TAF4B: variants seen among roughly 807,000 people sequenced by gnomAD.
The protein encoded by TAF4B is transcription initiation factor TFIID subunit 4B.
Under a neutral mutation model 86.4 loss-of-function variants are expected in TAF4B, and 38 were observed. The observed-to-expected ratio is 0.44, with a 90% CI of 0.34 to 0.58. The LOEUF (loss-of-function observed/expected upper bound fraction) is 0.58. TAF4B is among the 20% of genes least tolerant of loss of function. The pLI, the probability that TAF4B is intolerant of heterozygous loss-of-function variation, is 0.02. For synonymous variants in TAF4B, 388 were observed against 391.2 expected, an observed-to-expected ratio of 0.99 and a Z score of 0.10; for missense variants, 988 against 1,027.6, an observed-to-expected ratio of 0.96 and a Z score of 0.53.
intron 1 of TAF4B, among the ~76,000 whole-genome samples, chr18:26,257,256 G>A (rs1306543344): frequency 6.6e-6 from 1 of 152,136 alleles, no homozygotes; most frequent in African/African-American, 2.4e-5. Flanking sequence ...TAGGCTCTGT[G>A]TGTGAGGTAT....
At chr18:26,349,156 A>T (rs951193739) in intron 13 of TAF4B, among the ~76,000 whole-genome samples, 8 of 152,216 alleles carry the variant, frequency 5.3e-5, no homozygotes, top group Admixed American at 3.3e-4. Context: ...TTGTAACATG[A>T]TTATATTGCA....
chr18:26,272,851 G>A (rs2056338214), intron 3 of TAF4B, among the ~76,000 whole-genome samples: 1 of 151,804 alleles, frequency 6.6e-6, no homozygotes, highest in African/African-American at 2.4e-5. Context: ...CTAAAGATAT[G>A]AAAAGGAGGG....
intron 12 of TAF4B, among the ~76,000 whole-genome samples, chr18:26,327,843 C>T (rs1013511251): frequency 6.6e-6 from 1 of 152,218 alleles, no homozygotes; most frequent in Non-Finnish European, 1.5e-5. Flanking sequence ...GCCTTGGCCT[C>T]CCAAAGTTTT....
chr18:26,346,829 ATATATATGTG>A (rs2057194004), intron 13 of TAF4B, among the ~76,000 whole-genome samples: 4 of 25,444 alleles, frequency 1.6e-4, no homozygotes, highest in East Asian at 4.9e-3. Flanking sequence ...GTGTGTATAT[ATATATATGTG>A]TGTGTGTATA....
intron 1 of TAF4B, among the ~76,000 whole-genome samples, chr18:26,262,274 A>C (rs2144530654): frequency 6.7e-6 from 1 of 149,930 alleles, no homozygotes; most frequent in East Asian, 2.0e-4. Flanking sequence ...CCATAGCCTT[A>C]GATTGGGAGG....
intron 7 of TAF4B, among the ~76,000 whole-genome samples, chr18:26,288,785 T>C (rs565220390): frequency 6.6e-6 from 1 of 152,328 alleles, no homozygotes; most frequent in South Asian, 2.1e-4. Context: ...CTCATGATAA[T>C]ATCTTGACAG....
At chr18:26,233,323 G>A (rs1054376732) in intron 1 of TAF4B, among the ~76,000 whole-genome samples, 2 of 152,162 alleles carry the variant, frequency 1.3e-5, no homozygotes, top group Admixed American at 6.6e-5. Context: ...TGAAAGAAGG[G>A]AGGAGAAGGC....
chr18:26,231,987 T>C (rs2055678120), intron 1 of TAF4B, among the ~76,000 whole-genome samples: 1 of 152,188 alleles, frequency 6.6e-6, no homozygotes, highest in Admixed American at 6.5e-5. Context: ...AGGATCCTGC[T>C]GATTGGTGCA....
chr18:26,274,970 G>T lies in TAF4B; in HGVS notation c.799G>T (p.Ala267Ser), dbSNP rs774869384. Residue 267 changes from alanine (A) to serine (S), a missense_variant, in exon 5 of 15, where the codon GCA becomes TCA. Ala to Ser is a moderately conservative substitution (Grantham distance 99, BLOSUM62 1). Transcript: ENST00000269142. ...TGTGAAGAAATGCAAGAACTTCCTT[G>T]CAATGTTAATAAAACTAGCATGTAG... ...ENVKKCKNFLAMLIKLACSGS... is the reference protein window; with the variant it reads ...ENVKKCKNFLSMLIKLACSGS... 6.2e-7 allele frequency: 1 copy of T among 1,613,088 alleles called. No individual in the cohort carries two copies. Among genetic ancestry groups the T allele is most frequent in the East Asian group, 2.2e-5 (1 of 44,866 alleles).
At chr18:26,256,154 T>C in intron 1 of TAF4B, 1 of 1,610,344 alleles carries the variant, frequency 6.2e-7, no homozygotes, top group Non-Finnish European at 8.5e-7. Context: ...TTTTTGATCC[T>C]GCTGGCAACT....
chr18:26,302,859 T>C (rs866619330), intron 9 of TAF4B, among the ~76,000 whole-genome samples: 1 of 152,084 alleles, frequency 6.6e-6, no homozygotes, highest in Non-Finnish European at 1.5e-5. Context: ...CTCTTTTTTT[T>C]AATCTTTCTT....
intron 14 of TAF4B, among the ~76,000 whole-genome samples, chr18:26,388,703 C>T (rs1978525011): frequency 6.6e-6 from 1 of 152,150 alleles, no homozygotes; most frequent in South Asian, 2.1e-4. Flanking sequence ...TGTAAAGGAG[C>T]AATGGGAAGT....
chr18:26,351,627 G>C (rs530896535), intron 13 of TAF4B, among the ~76,000 whole-genome samples: 5 of 152,236 alleles, frequency 3.3e-5, no homozygotes, highest in African/African-American at 1.2e-4. Context: ...ACAATTATAT[G>C]TCAGACTTCA....
chr18:26,257,266 T>C (rs2056098243), intron 1 of TAF4B, among the ~76,000 whole-genome samples: 1 of 152,224 alleles, frequency 6.6e-6, no homozygotes, highest in African/African-American at 2.4e-5. Flanking sequence ...GTGTGAGGTA[T>C]ATGTGCTTAA....
chr18:26,260,650 C>T (rs2144525284), intron 1 of TAF4B, among the ~76,000 whole-genome samples: 1 of 152,232 alleles, frequency 6.6e-6, no homozygotes, highest in East Asian at 1.9e-4. Flanking sequence ...TATTTTTCAT[C>T]ATTCTTTTTG....
At chr18:26,237,724 A>G (rs945736113) in intron 1 of TAF4B, among the ~76,000 whole-genome samples, 2 of 152,202 alleles carry the variant, frequency 1.3e-5, no homozygotes, top group African/African-American at 4.8e-5. Flanking sequence ...CTCTTACAGA[A>G]AAGGTCAAAC....
chr18:26,278,454 G>A (rs1223483640), intron 5 of TAF4B, among the ~76,000 whole-genome samples: 1 of 152,024 alleles, frequency 6.6e-6, no homozygotes, highest in Non-Finnish European at 1.5e-5. Flanking sequence ...AGAGGTGTGT[G>A]CCACCATGCC....
chr18:26,262,660 T>C (rs530163355), intron 1 of TAF4B, among the ~76,000 whole-genome samples: 1 of 152,172 alleles, frequency 6.6e-6, no homozygotes, highest in Non-Finnish European at 1.5e-5. Context: ...TGTATTTTTT[T>C]AGTAGAGACG....
chr18:26,279,876 T>C (rs183971540), intron 5 of TAF4B, among the ~76,000 whole-genome samples: 7 of 152,160 alleles, frequency 4.6e-5, no homozygotes, highest in African/African-American at 1.4e-4. Flanking sequence ...ACCCCATCTC[T>C]ACTAAAAAAA....
Sources: allele counts gnomAD v4.1 joint callset (sites outside exome capture counted in the v4.1 genomes callset), GRCh38; gene constraint gnomAD v4.1.1; transcripts MANE v1.5; gene names NCBI Gene and HGNC (gene_info 2026-07-23, HGNC 2026-07-21).